The following CNGB3 variants were observed in gnomAD, a reference collection of about 807,000 sequenced individuals.
CNGB3 encodes cyclic nucleotide gated channel subunit beta 3, also known as cyclic nucleotide-gated channel beta-3.
In CNGB3, 86 loss-of-function variants were observed where a neutral mutation model predicts 92.8. That is an observed-to-expected ratio of 0.93 (90% confidence interval 0.78 to 1.11). The LOEUF (loss-of-function observed/expected upper bound fraction) is 1.11, where lower values mean the gene tolerates loss of function less well. CNGB3 is among the 50% of genes least tolerant of loss of function. The pLI is 0.00. For missense variants in CNGB3, 1,026 were observed against 956.8 expected (o/e 1.07, Z -0.95); for synonymous variants, 333 against 332.7 (o/e 1.00, Z -0.01).
At chr8:86,612,344 G>A (rs1822538001) in intron 13 of CNGB3, among the ~76,000 whole-genome samples, 1 of 151,994 alleles carries the variant, frequency 6.6e-6, no homozygotes, top group African/African-American at 2.4e-5. Context: ...AAATCTTTAG[G>A]TGCTACAAAA....
intron 10 of CNGB3, among the ~76,000 whole-genome samples, chr8:86,638,847 T>C (rs1232561988): frequency 6.6e-6 from 1 of 151,794 alleles, no homozygotes; most frequent in African/African-American, 2.4e-5. Flanking sequence ...TTTGTTTTGT[T>C]TGTTTGTTTG....
At chr8:86,580,190 C>CG (rs71275867) in intron 15 of CNGB3, among the ~76,000 whole-genome samples, 11,707 of 44,132 alleles carry the variant, frequency 0.27, 568 homozygotes, top group Non-Finnish European at 0.35. Context: ...GAGAATAGCA[C>CG]GGGGGGGGTG....
At chr8:86,717,493 G>A (rs1016653840) in intron 3 of CNGB3, among the ~76,000 whole-genome samples, 17 of 151,464 alleles carry the variant, frequency 1.1e-4, no homozygotes, top group Non-Finnish European at 2.4e-4. Flanking sequence ...AACCCAGGGG[G>A]TGGAGGTTGC....
intron 2 of CNGB3, among the ~76,000 whole-genome samples, chr8:86,738,842 A>T (rs79780802): frequency 6.8e-6 from 1 of 147,580 alleles, no homozygotes; most frequent in African/African-American, 2.6e-5. Flanking sequence ...CTCCGTCTCA[A>T]AAAAAAAAAA....
intron 17 of CNGB3, among the ~76,000 whole-genome samples, chr8:86,577,131 AAAGAG>A (rs1331243327): frequency 1.5e-5 from 2 of 137,074 alleles, no homozygotes; most frequent in African/African-American, 5.2e-5. Context: ...AACCAAAAAA[AAAGAG>A]AGAGAGAGAG....
chr8:86,587,606 A>G (rs1230951752), intron 15 of CNGB3, among the ~76,000 whole-genome samples: 8 of 151,976 alleles, frequency 5.3e-5, no homozygotes, highest in African/African-American at 1.9e-4. Flanking sequence ...TCCTTTCCCC[A>G]TTGCTTGTTT....
chr8:86,614,463 T>C (rs1822576771), intron 13 of CNGB3, among the ~76,000 whole-genome samples: 1 of 152,082 alleles, frequency 6.6e-6, no homozygotes, highest in Admixed American at 6.5e-5. Context: ...CTCTCCCCAC[T>C]GGTTGAGCAC....
chr8:86,632,992 C>T, intron 10 of CNGB3, 99 bp from the exon 11 acceptor site: 2 of 1,128,940 alleles, frequency 1.8e-6, no homozygotes, highest in Non-Finnish European at 2.6e-6. Context: ...AACAAATTTC[C>T]TACTAATCAA....
intron 7 of CNGB3, among the ~76,000 whole-genome samples, chr8:86,650,703 C>T (rs896020085): frequency 6.6e-6 from 1 of 151,570 alleles, no homozygotes; most frequent in Non-Finnish European, 1.5e-5. Context: ...AGTGTGTATG[C>T]ACTGCTGGTG....
chr8:86,631,774 T>C (rs1048020936), intron 11 of CNGB3, among the ~76,000 whole-genome samples: 2 of 152,158 alleles, frequency 1.3e-5, no homozygotes, highest in African/African-American at 4.8e-5. Flanking sequence ...CCTCTCTGTA[T>C]TTCATTAACA....
At chr8:86,643,683 T>A in intron 10 of CNGB3, 68 bp downstream of exon 10, 1 of 1,545,028 alleles carries the variant, frequency 6.5e-7, no homozygotes, top group Non-Finnish European at 8.9e-7. Context: ...CTGGCTCTCA[T>A]AAATTCATAC....
chr8:86,716,353 A>G (rs1418438442), intron 3 of CNGB3, among the ~76,000 whole-genome samples: 12 of 152,228 alleles, frequency 7.9e-5, no homozygotes. Context: ...CCAGACATCC[A>G]AATACAAGAA....
intron 15 of CNGB3, among the ~76,000 whole-genome samples, chr8:86,581,528 C>A (rs990067325): frequency 6.6e-6 from 1 of 152,106 alleles, no homozygotes; most frequent in African/African-American, 2.4e-5. Flanking sequence ...ATACCGCAGG[C>A]CTACTATTTA....
At chr8:86,584,242 TA>T (rs1216628171) in intron 15 of CNGB3, among the ~76,000 whole-genome samples, 7 of 152,220 alleles carry the variant, frequency 4.6e-5, no homozygotes, top group African/African-American at 1.7e-4. Flanking sequence ...AAATTGACGT[TA>T]ATATTTGAAG....
Position 86,643,087 on chromosome 8 carries a change from C to T in CNGB3, c.1178+664G>A, listed in dbSNP as rs551981660. 6.6e-5 allele frequency among the ~76,000 whole-genome samples: 10 copies of T among 150,444 alleles called. No individual in the cohort carries two copies. In the South Asian group the frequency reaches 2.1e-3, roughly 32 times the overall value. ...AGAGTAAAAAATGCATTTCACAGGC[C>T]AACTCAGGATACACACACACACACA... On this transcript the variant is annotated intron_variant, in intron 10 of 17. Transcript: ENST00000320005.
chr8:86,578,745 T>G lies in CNGB3; in HGVS notation c.2047A>C (p.Thr683Pro), dbSNP rs144474033. The change falls in exon 17 of 18, where the codon ACA (threonine) becomes CCA (proline). Residue 683 changes from threonine (T) to proline (P), a missense_variant. Thr to Pro is a conservative substitution (Grantham distance 38). Transcript: ENST00000320005. ...AGTCTTGCAAGACTTGCTTTTCCTGTGCCTCCTAGGAGAGTTTTAAACAGT... is the reference window on the plus strand; with the variant it reads ...AGTCTTGCAAGACTTGCTTTTCCTGGGCCTCCTAGGAGAGTTTTAAACAGT... The part of the protein sequence containing the change: ...PKLFKTLLGG[T>P]GKASLARLLK... 1.5e-5 allele frequency: 25 copies of G among 1,614,026 alleles called. No homozygotes were observed. The African/African-American group carries it at 3.1e-4, about 20-fold the overall frequency.
chr8:86,629,179 T>G, intron 11 of CNGB3, 101 bp from the exon 12 acceptor site: 1 of 1,268,786 alleles, frequency 7.9e-7, no homozygotes, highest in South Asian at 1.2e-5. Flanking sequence ...TCTAATGCCC[T>G]GATTACTTGA....
At chr8:86,608,381 C>T (rs961628895) in intron 14 of CNGB3, among the ~76,000 whole-genome samples, 1 of 152,194 alleles carries the variant, frequency 6.6e-6, no homozygotes, top group African/African-American at 2.4e-5. Flanking sequence ...GGAAGACGCC[C>T]GTTGCCAGGT....
rs76859357 is a variant in CNGB3 at position 86,578,618 on chromosome 8, G to A, written c.2103+71C>T. On this transcript the variant is annotated intron_variant, in intron 17 of 17. Transcript: ENST00000320005. ...CCAGTGTCTGAAATGGAATTAGAGT[G>A]GGCGTTTGTGTGTATATACTTAGTC... The A allele has an allele frequency of 2.1e-3, 2,978 of 1,387,170 alleles. 87 individuals carry two copies. The East Asian group carries it at 0.051, about 24-fold the overall frequency. 85.9% of individuals were successfully genotyped at this position (1,387,170 alleles called of 1,614,324 possible). A position where few individuals can be genotyped will look rare whatever the true frequency, so the allele number is the denominator to read the frequency against.
Sources: allele counts gnomAD v4.1 joint callset (sites outside exome capture counted in the v4.1 genomes callset), GRCh38; gene constraint gnomAD v4.1.1; transcripts MANE v1.5; gene names NCBI Gene and HGNC (gene_info 2026-07-23, HGNC 2026-07-21).